The following LRRFIP2 variants were observed in gnomAD, a reference collection of about 807,000 sequenced individuals.
LRRFIP2 encodes leucine-rich repeat flightless-interacting protein 2.
A neutral mutation model predicts 125.9 loss-of-function variants in LRRFIP2; 109 were observed. The observed-to-expected ratio is 0.87, with a 90% CI of 0.74 to 1.01. The LOEUF is 1.01. LRRFIP2 is among the 50% of genes least tolerant of loss of function. The pLI is 0.00. For synonymous variants in LRRFIP2, 291 were observed against 293.1 expected (o/e 0.99, Z 0.07); for missense variants, 850 against 862.3 (o/e 0.99, Z 0.18).
At chr3:37,072,404 AG>A (rs1219308372) in intron 21 of LRRFIP2, among the ~76,000 whole-genome samples, 2 of 149,134 alleles carry the variant, frequency 1.3e-5, no homozygotes, top group East Asian at 4.1e-4. Flanking sequence ...CGGGAGGCTG[AG>A]GCAGGAGAAT....
chr3:37,099,088 T>C (rs1048058888), intron 15 of LRRFIP2, among the ~76,000 whole-genome samples: 15 of 152,306 alleles, frequency 9.8e-5, no homozygotes, highest in Middle Eastern at 3.4e-3. Flanking sequence ...GAGATCCCAA[T>C]TGTCGCAACC....
At chr3:37,089,523 T>C (rs1385265274) in intron 18 of LRRFIP2, among the ~76,000 whole-genome samples, 2 of 152,110 alleles carry the variant, frequency 1.3e-5, no homozygotes, top group Non-Finnish European at 2.9e-5. Context: ...TTTTCTTTAT[T>C]TTTATGGGTT....
chr3:37,096,995 A>G (rs1379984454), intron 15 of LRRFIP2, among the ~76,000 whole-genome samples: 1 of 152,098 alleles, frequency 6.6e-6, no homozygotes. Context: ...AAGCTTGTAC[A>G]TATCAAAAAG....
At chr3:37,134,908 T>C in intron 2 of LRRFIP2, 1 of 1,345,182 alleles carries the variant, frequency 7.4e-7, no homozygotes, top group Non-Finnish European at 1.1e-6. Context: ...AATGGCAGCA[T>C]TTGTCTCGAT....
intron 18 of LRRFIP2, among the ~76,000 whole-genome samples, chr3:37,084,371 A>G (rs115644523): frequency 6.6e-6 from 1 of 152,162 alleles, no homozygotes; most frequent in Admixed American, 6.5e-5. Context: ...GAATATTAAA[A>G]AAAGAGCTTG....
intron 6 of LRRFIP2, among the ~76,000 whole-genome samples, chr3:37,117,849 C>A (rs1397715980): frequency 6.6e-6 from 1 of 152,168 alleles, no homozygotes; most frequent in Non-Finnish European, 1.5e-5. Flanking sequence ...AGTGTCTTTC[C>A]TTTTGGGTGT....
intron 1 of LRRFIP2, among the ~76,000 whole-genome samples, chr3:37,166,817 G>A (rs1045090395): frequency 7.2e-5 from 11 of 151,996 alleles, no homozygotes; most frequent in African/African-American, 2.2e-4. Flanking sequence ...TTGGGAGTTC[G>A]AGACCAGCCT....
intron 1 of LRRFIP2, among the ~76,000 whole-genome samples, chr3:37,150,683 T>C (rs560916948): frequency 2.6e-4 from 40 of 152,234 alleles, no homozygotes; most frequent in Admixed American, 2.4e-3. Flanking sequence ...TGCTAAGAAG[T>C]ATAGCTCATT....
At chr3:37,166,754 C>T (rs1220675708) in intron 1 of LRRFIP2, among the ~76,000 whole-genome samples, 1 of 151,720 alleles carries the variant, frequency 6.6e-6, no homozygotes, top group Admixed American at 6.6e-5. Context: ...CACAGTGGCT[C>T]ATGCCTGTAA....
intron 19 of LRRFIP2, among the ~76,000 whole-genome samples, chr3:37,078,120 C>T (rs1032665914): frequency 3.3e-5 from 5 of 151,966 alleles, no homozygotes; most frequent in Admixed American, 3.3e-4. Flanking sequence ...GAACTCTACA[C>T]TTTAAAATGG....
chr3:37,114,923 C>T, intron 7 of LRRFIP2, 131 bp downstream of exon 7: 1 of 661,628 alleles, frequency 1.5e-6, no homozygotes, highest in South Asian at 2.1e-5. Flanking sequence ...TAGCTTTTTG[C>T]TTTGTTAGTC....
chr3:37,101,017 T>C (rs1410821042), intron 15 of LRRFIP2, among the ~76,000 whole-genome samples: 2 of 152,172 alleles, frequency 1.3e-5, no homozygotes, highest in African/African-American at 2.4e-5. Flanking sequence ...GAAATGCTAA[T>C]TATAAATAAT....
At chr3:37,116,148 A>G (rs1443753416) in intron 6 of LRRFIP2, among the ~76,000 whole-genome samples, 1 of 152,148 alleles carries the variant, frequency 6.6e-6, no homozygotes, top group African/African-American at 2.4e-5. Context: ...TTTTTGAGAC[A>G]GGGTTTCACT....
At chr3:37,138,308 G>A (rs568168331) in intron 2 of LRRFIP2, among the ~76,000 whole-genome samples, 42 of 152,278 alleles carry the variant, frequency 2.8e-4, no homozygotes, top group African/African-American at 1.0e-3. Flanking sequence ...TTCCAAATCA[G>A]AGACTCATGT....
chr3:37,127,580 A>G, intron 4 of LRRFIP2, 50 bp downstream of exon 4: 1 of 1,577,416 alleles, frequency 6.3e-7, no homozygotes, highest in Non-Finnish European at 8.7e-7. Flanking sequence ...TCAAGACTGC[A>G]TTATTTCAGC....
At chr3:37,111,825 C>A (rs1261412029) in intron 8 of LRRFIP2, 1 of 152,868 alleles carries the variant, frequency 6.5e-6, no homozygotes, top group Non-Finnish European at 1.5e-5. Context: ...CTAAGGCTCA[C>A]CTCTCCCCAG....
At position 37,060,960 on chromosome 3, in the gene LRRFIP2, A is replaced by G. The variant is rs946875993; in HGVS notation, c.1750-2050T>C. Among the ~76,000 whole-genome samples the G allele has an allele frequency of 1.5e-5, 2 of 131,186 alleles. No individual in the cohort carries two copies. The highest frequency in any genetic ancestry group is 1.9e-5 in the Non-Finnish European group (1 of 53,714). 86.1% of individuals were successfully genotyped at this position (131,186 alleles called of 152,430 possible). A position where few individuals can be genotyped will look rare whatever the true frequency, so the allele number is the denominator to read the frequency against. ...CCCTCCAAATCTCATGTTGAAATGT[A>G]TTCCCCAGTGCTGAAGGTGGGGCCT... On this transcript the variant is annotated intron_variant, in intron 24 of 27. Transcript: ENST00000336686. The surrounding 1 kb of genome is among the most constrained non-coding windows in gnomAD (Gnocchi z 4.1).
intron 6 of LRRFIP2, among the ~76,000 whole-genome samples, chr3:37,116,335 C>T (rs1451530937): frequency 6.6e-6 from 1 of 151,578 alleles, no homozygotes; most frequent in East Asian, 1.9e-4. Flanking sequence ...TGGGGTCTTG[C>T]TATGTTGCCC....
chr3:37,133,085 C>T (rs577732928), intron 2 of LRRFIP2, among the ~76,000 whole-genome samples: 2 of 152,174 alleles, frequency 1.3e-5, no homozygotes, highest in South Asian at 2.1e-4. Flanking sequence ...ATTAGCTGGG[C>T]GTGGTGGTGC....
Sources: gnomAD v4.1 joint callset for allele counts (sites outside exome capture counted in the v4.1 genomes callset) on GRCh38, gnomAD v4.1.1 for gene constraint, Gnocchi (gnomAD v3.1) non-coding constraint, MANE v1.5 for transcripts, NCBI Gene and HGNC (gene_info 2026-07-23, HGNC 2026-07-21) for gene names.